Variants in TMCO5A observed in about 807,000 individuals in gnomAD.
The protein encoded by TMCO5A is transmembrane and coiled-coil domain-containing protein 5A.
Under a neutral mutation model 42.3 loss-of-function variants are expected in TMCO5A, and 34 were observed. The ratio of observed to expected loss-of-function variants is 0.80; its 90% CI spans 0.61 to 1.07. The LOEUF (loss-of-function observed/expected upper bound fraction) is 1.07, where lower values mean the gene tolerates loss of function less well. Among genes scored for constraint, TMCO5A ranks in the 50% least tolerant of loss-of-function variants. The pLI, the probability that TMCO5A is intolerant of heterozygous loss-of-function variation, is 0.00. For missense variants in TMCO5A, 357 were observed against 327.9 expected (o/e 1.09, Z -0.69); for synonymous variants, 131 against 115.6 (o/e 1.13, Z -0.86).
chr15:37,997,239 T>C, the TMCO5A span, among the ~76,000 whole-genome samples: 1 of 152,178 alleles, frequency 6.6e-6, no homozygotes, highest in Non-Finnish European at 1.5e-5. Flanking sequence ...TCAAAAGATT[T>C]TACAGATGCA....
intron 5 of TMCO5A, among the ~76,000 whole-genome samples, chr15:37,937,626 T>G (rs934735860): frequency 6.6e-6 from 1 of 152,136 alleles, no homozygotes. Flanking sequence ...TTTAGTAATC[T>G]CATGGGTTCT....
chr15:38,032,978 A>G, the TMCO5A span, among the ~76,000 whole-genome samples: 199 of 135,042 alleles, frequency 1.5e-3, 5 homozygotes, highest in South Asian at 0.043. Flanking sequence ...CCCAGGCTGG[A>G]GTGCAGTGGC....
At chr15:37,937,486 C>A in intron 5 of TMCO5A, 90 bp downstream of exon 5, 1 of 1,415,284 alleles carries the variant, frequency 7.1e-7, no homozygotes. Flanking sequence ...CATAGAGGAA[C>A]CCATAAGTCA....
chr15:37,934,881 T>A (rs1043118405), intron 1 of TMCO5A, among the ~76,000 whole-genome samples, 187 bp downstream of exon 1: 1 of 152,170 alleles, frequency 6.6e-6, no homozygotes, highest in Non-Finnish European at 1.5e-5. Context: ...CCTACATCCA[T>A]GCCCATGGGG....
chr15:37,988,054 C>A, the TMCO5A span, among the ~76,000 whole-genome samples: 2 of 151,612 alleles, frequency 1.3e-5, no homozygotes, highest in Non-Finnish European at 3.0e-5. Flanking sequence ...TCATAATTTT[C>A]TTTGTTTCTC....
At chr15:37,997,328 A>T in the TMCO5A span, among the ~76,000 whole-genome samples, 1 of 152,238 alleles carries the variant, frequency 6.6e-6, no homozygotes, top group Admixed American at 6.5e-5. Context: ...TAAAATGCAA[A>T]TATTTTTAAA....
chr15:37,941,280 A>C lies in TMCO5A; in HGVS notation c.444+75A>C, dbSNP rs184025008. On this transcript the variant is annotated intron_variant, in intron 7 of 11. Coordinates refer to ENST00000319669, the MANE Select transcript of TMCO5A (RefSeq NM_152453.4). ...TCTTTGGTCAGGCAATCTATTTCTC[A>C]AGTGATTGATTTACATTAAGGTTCC... 318 of 1,434,862 alleles carry C rather than the reference A, an allele frequency of 2.2e-4. 1 individual carries two copies. In the African/African-American group the frequency reaches 3.6e-3, roughly 16 times the overall value. The allele number at this position is 1,434,862 out of a possible 1,614,324, so 88.9% of individuals were successfully genotyped here.
the TMCO5A span, among the ~76,000 whole-genome samples, chr15:38,028,779 G>A: frequency 6.6e-6 from 1 of 152,174 alleles, no homozygotes; most frequent in Non-Finnish European, 1.5e-5. Context: ...AGAGGACAGG[G>A]TAGCAAGCAG....
intron 11 of TMCO5A, 121 bp downstream of exon 11, chr15:37,947,817 C>A (rs1312256522): frequency 3.3e-6 from 2 of 597,142 alleles, no homozygotes; most frequent in Admixed American, 3.3e-5. Flanking sequence ...CATACACACA[C>A]ACACACAAGT....
chr15:37,955,563 C>T (rs1333834730), downstream of TMCO5A, among the ~76,000 whole-genome samples: 22 of 152,118 alleles, frequency 1.4e-4, no homozygotes, highest in Admixed American at 1.4e-3. Context: ...AATATATATG[C>T]ACCCAATACA....
chr15:37,941,233 C>T, intron 7 of TMCO5A, 28 bp downstream of exon 7: 1 of 1,606,800 alleles, frequency 6.2e-7, no homozygotes. Context: ...AATGTGACTT[C>T]TCCCCAAAAA....
Position 37,959,965 on chromosome 15 carries a change from A to G in TMCO5A, c.669-6660A>G, listed in dbSNP as rs1022509446. 3.3e-5 allele frequency among the ~76,000 whole-genome samples: 5 copies of G among 152,168 alleles called. No individual in the cohort carries two copies. The East Asian group carries it at 5.8e-4, about 18-fold the overall frequency. On this transcript the variant is annotated intron_variant, in intron 11 of 11. Coordinates refer to the TMCO5A transcript ENST00000559502. ...AAAAAAAACTATTTAGAACTGATGA[A>G]CAAATTCAGTAAAGTTGCAGGATAC...
At chr15:37,998,785 G>A in the TMCO5A span, among the ~76,000 whole-genome samples, 1 of 152,110 alleles carries the variant, frequency 6.6e-6, no homozygotes, top group African/African-American at 2.4e-5. Context: ...GATTGCTTTA[G>A]GTAGTATGGA....
chr15:38,015,286 G>A, the TMCO5A span, among the ~76,000 whole-genome samples: 2 of 152,060 alleles, frequency 1.3e-5, no homozygotes, highest in African/African-American at 4.8e-5. Flanking sequence ...TTTCCAATTA[G>A]AGGACAGAAA....
At chr15:37,945,035 C>A (rs1889891847) in intron 10 of TMCO5A, among the ~76,000 whole-genome samples, 1 of 152,062 alleles carries the variant, frequency 6.6e-6, no homozygotes, top group African/African-American at 2.4e-5. Context: ...CTACCTCAAC[C>A]CCACTGACAA....
At chr15:37,955,209 AG>A (rs1890254949), downstream of TMCO5A, among the ~76,000 whole-genome samples, 1 of 151,298 alleles carries the variant, frequency 6.6e-6, no homozygotes, top group Admixed American at 6.6e-5. Context: ...AACACACTTC[AG>A]GCAAGAATAA....
chr15:38,019,517 G>C, the TMCO5A span, among the ~76,000 whole-genome samples: 1 of 152,080 alleles, frequency 6.6e-6, no homozygotes, highest in Non-Finnish European at 1.5e-5. Context: ...TGAGTTGAAA[G>C]TACAGAGAAG....
chr15:37,986,463 G>A, the TMCO5A span, among the ~76,000 whole-genome samples: 4 of 146,202 alleles, frequency 2.7e-5, no homozygotes, highest in Admixed American at 6.9e-5. Flanking sequence ...AAATACATAC[G>A]AAATTTTTCA....
intron 4 of TMCO5A, 78 bp from the exon 5 acceptor site, chr15:37,937,268 G>T: frequency 6.6e-7 from 1 of 1,516,526 alleles, no homozygotes; most frequent in African/African-American, 1.4e-5. Flanking sequence ...TATAGCTGGG[G>T]TGAAATGGAC....
Sources: allele counts gnomAD v4.1 joint callset (sites outside exome capture counted in the v4.1 genomes callset), GRCh38; gene constraint gnomAD v4.1.1; transcripts MANE v1.5; gene names NCBI Gene and HGNC (gene_info 2026-07-23, HGNC 2026-07-21).